PRRC1: variants seen among roughly 807,000 people sequenced by gnomAD.
The protein encoded by PRRC1 is protein PRRC1.
Under a neutral mutation model 40.7 loss-of-function variants are expected in PRRC1, and 39 were observed. The ratio of observed to expected loss-of-function variants is 0.96; its 90% confidence interval spans 0.74 to 1.25. The LOEUF (loss-of-function observed/expected upper bound fraction) is 1.25, where lower values mean the gene tolerates loss of function less well. Among genes scored for constraint, PRRC1 ranks in the 50% most tolerant of loss-of-function variants. PRRC1 has a pLI of 0.00. For missense variants in PRRC1, 573 were observed against 548.3 expected (o/e 1.05, Z -0.45); for synonymous variants, 175 against 193.3 (o/e 0.91, Z 0.79).
intron 1 of PRRC1, 91 bp from the exon 2 acceptor site, chr5:127,523,366 TTGA>T (rs1358249514): frequency 1.1e-5 from 6 of 566,676 alleles, no homozygotes; most frequent in South Asian, 6.1e-5. Flanking sequence ...CATCTATCTC[TTGA>T]TGATTTTTTT....
chr5:127,541,425 A>T (rs2127108990), intron 7 of PRRC1, among the ~76,000 whole-genome samples: 2 of 151,952 alleles, frequency 1.3e-5, no homozygotes, highest in African/African-American at 4.8e-5. Context: ...TTTTCTATTG[A>T]TTGGAATAGT....
In PRRC1 at chr5:127,553,056, G is replaced by T. The variant is rs773330357; in HGVS notation, c.*1140G>T. 1 of 736,230 alleles carries T rather than the reference G, an allele frequency of 1.4e-6. No homozygotes were observed. Among genetic ancestry groups the T allele is most frequent in the Non-Finnish European group, 1.7e-6 (1 of 603,986 alleles). The allele number at this position is 736,230 out of a possible 1,614,324, so 45.6% of individuals were successfully genotyped here. Reference sequence around the variant, plus strand: ...TTAAATAAATTTTTTTCTTAATACTGTTGGACTTTGTATATACAAGTTCAA... The same window carrying T: ...TTAAATAAATTTTTTTCTTAATACTTTTGGACTTTGTATATACAAGTTCAA... On this transcript the variant is annotated 3_prime_UTR_variant, in exon 9 of 9. Transcript: ENST00000296666.
At chr5:127,523,372 A>C (rs557160091) in intron 1 of PRRC1, 88 bp from the exon 2 acceptor site, 18 of 528,608 alleles carry the variant, frequency 3.4e-5, no homozygotes, top group Non-Finnish European at 5.5e-5. Flanking sequence ...TCTCTTGATG[A>C]TTTTTTTTTT....
intron 7 of PRRC1, among the ~76,000 whole-genome samples, chr5:127,539,838 T>C (rs975888907): frequency 5.9e-5 from 9 of 152,114 alleles, no homozygotes; most frequent in African/African-American, 1.7e-4. Flanking sequence ...AAAGAAGATA[T>C]ATGTAGTACA....
chr5:127,549,899 G>C (rs1768329310), intron 8 of PRRC1: 1 of 152,074 alleles, frequency 6.6e-6, no homozygotes, highest in South Asian at 2.1e-4. Flanking sequence ...TTAGATATCT[G>C]ACCATTGCAA....
rs545207215 is a variant in PRRC1 at position 127,544,644 on chromosome 5, A to G, written c.1026-3175A>G. 3.9e-5 allele frequency among the ~76,000 whole-genome samples: 6 copies of G among 152,318 alleles called. No individual in the cohort carries two copies. The South Asian group carries it at 1.0e-3, about 26-fold the overall frequency. ...CAGTTTGATCTCAGGCTGCTGTGCC[A>G]GCAATCAGCGGGACTCCGTGGGCAT... On this transcript the variant is annotated intron_variant, in intron 7 of 8. Transcript: ENST00000296666.
At chr5:127,519,250 T>C (rs747734587) in intron 1 of PRRC1, among the ~76,000 whole-genome samples, 18 of 152,214 alleles carry the variant, frequency 1.2e-4, no homozygotes, top group Admixed American at 7.2e-4. Flanking sequence ...AAGGGGCATT[T>C]CTATCTCAGG....
At chr5:127,546,684 A>G (rs541920475) in intron 7 of PRRC1, among the ~76,000 whole-genome samples, 44 of 152,294 alleles carry the variant, frequency 2.9e-4, no homozygotes, top group African/African-American at 1.0e-3. Context: ...CTTCAGTAAC[A>G]CTTTTTAGGA....
In PRRC1 at chr5:127,553,189, A is replaced by C; in HGVS notation, c.*1273A>C. On this transcript the variant is annotated 3_prime_UTR_variant, in exon 9 of 9. Coordinates refer to ENST00000296666, the MANE Select transcript of PRRC1 (RefSeq NM_130809.5). Reference sequence around the variant, plus strand: ...TTAGCACAATCTCTGGCAGTTTTATAAAAGCTGTTGAAGCTCTTGTCCTGC... The same window carrying C: ...TTAGCACAATCTCTGGCAGTTTTATCAAAGCTGTTGAAGCTCTTGTCCTGC... 1.0e-6 allele frequency: 1 copy of C among 984,440 alleles called. No homozygotes were observed. The highest frequency in any genetic ancestry group is 1.2e-6 in the Non-Finnish European group (1 of 829,050). The allele number at this position is 984,440 out of a possible 1,614,324, so 61.0% of individuals were successfully genotyped here.
At chr5:127,538,109 A>G (rs1437427220) in intron 6 of PRRC1, among the ~76,000 whole-genome samples, 1 of 151,006 alleles carries the variant, frequency 6.6e-6, no homozygotes, top group African/African-American at 2.4e-5. Flanking sequence ...TTTAAATCCT[A>G]TCATCTTCAT....
At chr5:127,549,904 T>C (rs1768329507) in intron 8 of PRRC1, 1 of 152,124 alleles carries the variant, frequency 6.6e-6, no homozygotes, top group South Asian at 2.1e-4. Context: ...TATCTGACCA[T>C]TGCAAAGGAC....
rs773453946 is a variant in PRRC1 at position 127,524,622 on chromosome 5, T to G, written c.195T>G (p.Pro65=). 1 of 1,614,194 alleles carries G rather than the reference T, an allele frequency of 6.2e-7. No homozygotes were observed. The part of the protein sequence containing the change: ...AYSTPQPPLP[P]VRPSAPLPFV... ...CTACTCCTCAGCCGCCCCTTCCTCC[T>G]GTGAGGCCTTCAGCACCATTACCTT... Residue 65 remains proline (P), a synonymous_variant, in exon 3 of 9, where the codon CCT becomes CCG. Transcript: ENST00000296666.
chr5:127,531,768 G>A (rs1039544915), intron 5 of PRRC1, among the ~76,000 whole-genome samples: 1 of 151,520 alleles, frequency 6.6e-6, no homozygotes, highest in Non-Finnish European at 1.5e-5. Flanking sequence ...GACTACAGCC[G>A]TGTGCCACCA....
At chr5:127,522,693 AT>A (rs966408417) in intron 1 of PRRC1, among the ~76,000 whole-genome samples, 23 of 149,058 alleles carry the variant, frequency 1.5e-4, no homozygotes, top group African/African-American at 2.7e-4. Context: ...GCCTGGCTTT[AT>A]TTTTTTTTTA....
chr5:127,521,015 G>C (rs1008994890), intron 1 of PRRC1, among the ~76,000 whole-genome samples: 1 of 152,044 alleles, frequency 6.6e-6, no homozygotes. Flanking sequence ...GCTACCCTCA[G>C]CTTGAATGCC....
intron 5 of PRRC1, 45 bp from the exon 6 acceptor site, chr5:127,533,578 T>G (rs233039): frequency 0.31 from 476,989 of 1,527,438 alleles, 77,327 homozygotes; most frequent in East Asian, 0.52. Flanking sequence ...TATGAGAATT[T>G]CATTATTTTA....
intron 4 of PRRC1, among the ~76,000 whole-genome samples, chr5:127,528,122 G>T (rs928530075): frequency 6.6e-6 from 1 of 151,984 alleles, no homozygotes; most frequent in Middle Eastern, 3.2e-3. Context: ...GTTTTAAATT[G>T]GGATGATTTT....
At chr5:127,522,714 G>A (rs373727714) in intron 1 of PRRC1, among the ~76,000 whole-genome samples, 2 of 151,598 alleles carry the variant, frequency 1.3e-5, no homozygotes, top group African/African-American at 4.8e-5. Flanking sequence ...ATGTTAATGG[G>A]GTTATCTTAT....
At chr5:127,533,821 A>G in intron 6 of PRRC1, 35 bp downstream of exon 6, 1 of 1,607,098 alleles carries the variant, frequency 6.2e-7, no homozygotes, top group Non-Finnish European at 8.5e-7. Flanking sequence ...GGACATGGAA[A>G]CTGGCATTTA....
Sources: allele counts gnomAD v4.1 joint callset (sites outside exome capture counted in the v4.1 genomes callset), GRCh38; gene constraint gnomAD v4.1.1; transcripts MANE v1.5; gene names NCBI Gene and HGNC (gene_info 2026-07-23, HGNC 2026-07-21).